EML6: variants seen among roughly 807,000 people sequenced by gnomAD.
EML6 encodes echinoderm microtubule-associated protein-like 6.
A neutral mutation model predicts 240.1 loss-of-function variants in EML6; 154 were observed. The observed-to-expected ratio is 0.64, with a 90% CI of 0.56 to 0.73. EML6 has a LOEUF of 0.73. Among genes scored for constraint, EML6 ranks in the 30% least tolerant of loss-of-function variants. The pLI is 0.00. For synonymous variants in EML6, 1,148 were observed against 899.0 expected, an observed-to-expected ratio of 1.28 and a Z score of -4.95; for missense variants, 2,964 against 2,474.6, an observed-to-expected ratio of 1.20 and a Z score of -4.20.
chr2:54,957,874 C>T lies in EML6; in HGVS notation c.4571C>T (p.Ser1524Phe). Residue 1524 changes from serine (S) to phenylalanine (F), a missense_variant, in exon 33 of 42, where the codon TCT becomes TTT. By Grantham distance (155) the Ser-to-Phe change is radical. Transcript: ENST00000356458. ...FRPDSDTQFV[S>F]VGVKHMKFWT... ...CCCGACTCAGACACGCAGTTTGTAT[C>T]TGTCGGGGTCAAACATATGAAGTTC... The T allele has an allele frequency of 1.3e-5, 20 of 1,551,448 alleles. No individual in the cohort carries two copies. Among genetic ancestry groups the T allele is most frequent in the Non-Finnish European group, 1.7e-5 (20 of 1,147,000 alleles).
At chr2:54,965,804 A>G (rs1443767223) in intron 38 of EML6, among the ~76,000 whole-genome samples, 1 of 152,236 alleles carries the variant, frequency 6.6e-6, no homozygotes. Context: ...AGAATCTTGT[A>G]GCCTCCAGCT....
rs764013323 is a variant in EML6, at chr2:54,959,258, G to A, written c.4850G>A (p.Arg1617Lys). 16 of 1,527,974 alleles carry A rather than the reference G, an allele frequency of 1.0e-5. No individual in the cohort carries two copies. The highest frequency in any genetic ancestry group is 2.5e-5 in the East Asian group (1 of 40,020). The allele number at this position is 1,527,974 out of a possible 1,614,324, so 94.7% of individuals were successfully genotyped here. ...CTCATAGTGACCGGCGGAAAAGAGA[G>A]GCCGTAAGCCAAAGCTCCTATGGAA... ...DGLIVTGGKE[R>K]PTKEGGAVKL... is the part of the protein sequence containing the mutation. The change falls in exon 34 of 42, where the codon AGG becomes AAG. Residue 1617 changes from arginine (R) to lysine (K), a missense_variant. Transcript: ENST00000356458.
chr2:54,972,025 AT>A (rs1677056317), downstream of EML6: 1 of 150,930 alleles, frequency 6.6e-6, no homozygotes, highest in Admixed American at 6.7e-5. Context: ...ATGTAAACAC[AT>A]TTGTTGACTT....
Position 54,959,169 on chromosome 2 carries a change from C to G in EML6, c.4761C>G (p.Ile1587Met), listed in dbSNP as rs1190410712. 3.9e-6 allele frequency: 6 copies of G among 1,551,568 alleles called. No homozygotes were observed. Among genetic ancestry groups the G allele is most frequent in the Non-Finnish European group, 5.2e-6 (6 of 1,146,990 alleles). Residue 1587 changes from isoleucine to methionine, a missense_variant, in exon 34 of 42, where the codon ATC (isoleucine) becomes ATG (methionine). Physicochemically the swap from Ile to Met is conservative, Grantham distance 10. Coordinates refer to ENST00000356458, the MANE Select transcript of EML6 (RefSeq NM_001039753.4). ...DVYVWKDHFLIRLVAKAHTGP... is the reference protein window; with the variant it reads ...DVYVWKDHFLMRLVAKAHTGP... ...ACGTCTGGAAGGACCACTTCCTCAT[C>G]CGGCTGGTGGCCAAGGCTCACACAG...
At chr2:54,865,748 T>G (rs1340262883) in intron 13 of EML6, among the ~76,000 whole-genome samples, 2 of 152,236 alleles carry the variant, frequency 1.3e-5, no homozygotes, top group African/African-American at 4.8e-5. Context: ...ATACTCAACC[T>G]GTATATTCTC....
At chr2:54,851,250 G>T (rs1240282691) in intron 10 of EML6, among the ~76,000 whole-genome samples, 1 of 151,106 alleles carries the variant, frequency 6.6e-6, no homozygotes, top group Non-Finnish European at 1.5e-5. Context: ...CTCTGCTAAA[G>T]ATACAAAAAA....
chr2:54,926,483 G>A (rs189271252), intron 26 of EML6, among the ~76,000 whole-genome samples: 28 of 152,328 alleles, frequency 1.8e-4, no homozygotes, highest in African/African-American at 6.7e-4. Flanking sequence ...AAGTTCTGAT[G>A]GGTGTAACAA....
chr2:54,761,975 T>C (rs971916068), intron 2 of EML6, among the ~76,000 whole-genome samples: 4 of 152,200 alleles, frequency 2.6e-5, no homozygotes, highest in Non-Finnish European at 5.9e-5. Context: ...GTATGGTTAT[T>C]AAATTCAGGA....
At chr2:54,967,632 G>A (rs1188036823) in intron 39 of EML6, among the ~76,000 whole-genome samples, 1 of 152,030 alleles carries the variant, frequency 6.6e-6, no homozygotes, top group Admixed American at 6.5e-5. Flanking sequence ...AACTGAGGCA[G>A]AGGGGGAACA....
intron 2 of EML6, chr2:54,747,490 A>G (rs1301078674): frequency 2.0e-5 from 3 of 152,234 alleles, no homozygotes; most frequent in African/African-American, 7.2e-5. Flanking sequence ...ATAATGGGAC[A>G]TTTTGTGAAA....
Position 54,827,681 on chromosome 2 carries a change from G to A in EML6, c.641G>A (p.Gly214Asp). 6.4e-7 allele frequency: 1 copy of A among 1,551,650 alleles called. No homozygotes were observed. The highest frequency in any genetic ancestry group is 8.7e-7 in the Non-Finnish European group (1 of 1,146,956). Residue 214 changes from glycine to aspartate, a missense_variant, in exon 6 of 42, where the codon GGT becomes GAT. Coordinates refer to ENST00000356458, the MANE Select transcript of EML6 (RefSeq NM_001039753.4). ...ACAKEDITYS[G>D]ALNGDIYVWK... ...GCCAAAGAAGACATCACCTACTCTG[G>A]TGCTTTAAATGGTGACATCTATGTC...
chr2:54,844,785 C>G (rs1173262013), intron 8 of EML6, among the ~76,000 whole-genome samples: 3 of 152,190 alleles, frequency 2.0e-5, no homozygotes, highest in Non-Finnish European at 4.4e-5. Flanking sequence ...GAGCCTCCAG[C>G]TTTCTTGCTG....
rs1327763322 is a variant in EML6, at chr2:54,899,681, C to T, written c.3023C>T (p.Pro1008Leu). The T allele has an allele frequency of 1.3e-6, 2 of 1,553,788 alleles. No homozygotes were observed. The highest frequency in any genetic ancestry group is 8.7e-7 in the Non-Finnish European group (1 of 1,148,172). The change falls in exon 22 of 42, where the codon CCT (proline) becomes CTT (leucine). Residue 1008 changes from proline (P) to leucine (L), a missense_variant. Coordinates refer to ENST00000356458, the MANE Select transcript of EML6 (RefSeq NM_001039753.4). Reference sequence around the variant, plus strand: ...GAAGTGTGGGGGTTGGCAGCTCACCCTCTCCTGCCCATCTGTGCAACAGTG... The same window carrying T: ...GAAGTGTGGGGGTTGGCAGCTCACCTTCTCCTGCCCATCTGTGCAACAGTG... ...EGEVWGLAAH[P>L]LLPICATVSD...
intron 2 of EML6, among the ~76,000 whole-genome samples, chr2:54,802,645 C>CTAG (rs1252967648): frequency 3.4e-5 from 5 of 148,896 alleles, no homozygotes; most frequent in Non-Finnish European, 7.4e-5. Flanking sequence ...ACTACTACTA[C>CTAG]TACTACTACT....
At chr2:54,813,148 T>C (rs1667933344) in intron 2 of EML6, 84 bp from the exon 3 acceptor site, 1 of 1,002,604 alleles carries the variant, frequency 1.0e-6, no homozygotes, top group South Asian at 1.7e-5. Flanking sequence ...TGTTAGATAA[T>C]TTAAATGAGA....
intron 21 of EML6, among the ~76,000 whole-genome samples, chr2:54,897,056 C>T: frequency 6.6e-6 from 1 of 152,064 alleles, no homozygotes; most frequent in Non-Finnish European, 1.5e-5. Context: ...TTTTTCTGGC[C>T]ATAACTTCTA....
At chr2:54,726,120 G>A (rs919715320) in intron 2 of EML6, among the ~76,000 whole-genome samples, 3 of 152,222 alleles carry the variant, frequency 2.0e-5, no homozygotes, top group African/African-American at 4.8e-5. Context: ...GCCAGATGCT[G>A]TTCACAGGGA....
In EML6 at chr2:54,948,904, C is replaced by T. The variant is rs1243753793; in HGVS notation, c.4027C>T (p.Pro1343Ser). The T allele has an allele frequency of 6.4e-7, 1 of 1,551,456 alleles. No homozygotes were observed. Among genetic ancestry groups the T allele is most frequent in the Non-Finnish European group, 8.7e-7 (1 of 1,146,926 alleles). ...EERPPVSRAA[P>S]QPEKLQKNNI... The stretch of plus-strand genomic sequence containing the variant: ...CAGACCACCCGTTAGCCGAGCAGCT[C>T]CCCAGCCTGAGAAACTGCAGAAGAA... Residue 1343 changes from proline (P) to serine (S), a missense_variant, in exon 29 of 42, where the codon CCC (proline) becomes TCC (serine). By Grantham distance (74) the Pro-to-Ser change is moderately conservative. Transcript: ENST00000356458.
chr2:54,764,429 A>G (rs1668099318), intron 2 of EML6, among the ~76,000 whole-genome samples: 1 of 152,192 alleles, frequency 6.6e-6, no homozygotes, highest in Non-Finnish European at 1.5e-5. Flanking sequence ...TCACAAATAA[A>G]TTCATTATCC....
Sources: allele counts gnomAD v4.1 joint callset (sites outside exome capture counted in the v4.1 genomes callset), GRCh38; gene constraint gnomAD v4.1.1; transcripts MANE v1.5; gene names NCBI Gene and HGNC (gene_info 2026-07-23, HGNC 2026-07-21).